Variants in TBC1D1 observed in about 807,000 individuals in gnomAD.
The protein encoded by TBC1D1 is TBC1 (tre-2/USP6, BUB2, cdc16) domain family, member 1.
Under a neutral mutation model 125.6 loss-of-function variants are expected in TBC1D1, and 89 were observed. The observed-to-expected ratio is 0.71, with a 90% CI of 0.60 to 0.85. TBC1D1 has a LOEUF of 0.85. TBC1D1 is among the 40% of genes least tolerant of loss of function. TBC1D1 has a pLI of 0.00. For synonymous variants in TBC1D1, 565 were observed against 564.1 expected (o/e 1.00, Z -0.02); for missense variants, 1,377 against 1,469.2 (o/e 0.94, Z 1.03).
At chr4:37,963,410 G>T (rs1214477043) in intron 2 of TBC1D1, among the ~76,000 whole-genome samples, 1 of 150,698 alleles carries the variant, frequency 6.6e-6, no homozygotes, top group East Asian at 2.0e-4. Context: ...GTGAGGGAGG[G>T]GGGAGGTCCA....
In TBC1D1 at chr4:38,024,611, C is replaced by T. The variant is rs1178234449; in HGVS notation, c.1210+2893C>T. Among the ~76,000 whole-genome samples the T allele has an allele frequency of 2.0e-5, 3 of 152,182 alleles. No individual in the cohort carries two copies. The East Asian group carries it at 5.8e-4, about 29-fold the overall frequency. On this transcript the variant is annotated intron_variant, in intron 6 of 19. Coordinates refer to ENST00000261439, the MANE Select transcript of TBC1D1 (RefSeq NM_015173.4). ...AGAAGTCTGGTGGGGGTATGTTTTACCTACATGATGGAACTCATTTCTAAA... is the reference window on the plus strand; with the variant it reads ...AGAAGTCTGGTGGGGGTATGTTTTATCTACATGATGGAACTCATTTCTAAA...
chr4:38,013,363 G>C (rs946926317), intron 2 of TBC1D1, among the ~76,000 whole-genome samples: 3 of 152,136 alleles, frequency 2.0e-5, no homozygotes, highest in Non-Finnish European at 4.4e-5. Context: ...TGTATGTGTT[G>C]ATCTTTGACC....
chr4:37,973,648 C>G (rs562036604), intron 2 of TBC1D1, among the ~76,000 whole-genome samples: 1 of 152,102 alleles, frequency 6.6e-6, no homozygotes, highest in African/African-American at 2.4e-5. Flanking sequence ...CAGTCTGGTC[C>G]TCAGCTGACC....
At chr4:38,094,883 CAAA>C (rs528226098) in intron 13 of TBC1D1, among the ~76,000 whole-genome samples, 9 of 60,990 alleles carry the variant, frequency 1.5e-4, no homozygotes, top group East Asian at 4.6e-4. Context: ...AAATCACAGC[CAAA>C]AAAAAAAAAA....
Position 38,049,827 on chromosome 4 carries a change from G to A in TBC1D1, c.1839G>A (p.Gly613=). 1 of 1,614,024 alleles carries A rather than the reference G, an allele frequency of 6.2e-7. No homozygotes were observed. Among genetic ancestry groups the A allele is most frequent in the Non-Finnish European group, 8.5e-7 (1 of 1,179,984 alleles). Residue 613 remains glycine (G), a synonymous_variant, in exon 11 of 20, where the codon GGG becomes GGA. Transcript: ENST00000261439. Reference sequence around the variant, plus strand: ...AGGAACCTCCACAACCTGCCCGGGGGTCCCCGGGGGTTTCGCAAAGGAAAC... The same window carrying A: ...AGGAACCTCCACAACCTGCCCGGGGATCCCCGGGGGTTTCGCAAAGGAAAC...
At chr4:38,068,413 C>T (rs1182004784) in intron 12 of TBC1D1, among the ~76,000 whole-genome samples, 1 of 152,166 alleles carries the variant, frequency 6.6e-6, no homozygotes, top group Non-Finnish European at 1.5e-5. Context: ...CTCCCCTCCT[C>T]ACCAAACCCA....
chr4:38,028,724 G>A (rs1745558665), intron 7 of TBC1D1, among the ~76,000 whole-genome samples: 1 of 152,154 alleles, frequency 6.6e-6, no homozygotes, highest in Non-Finnish European at 1.5e-5. Context: ...GAGACAGAAG[G>A]TCCGGCCTCT....
intron 15 of TBC1D1, among the ~76,000 whole-genome samples, chr4:38,115,330 G>T (rs140742899): frequency 6.6e-6 from 1 of 152,152 alleles, no homozygotes; most frequent in African/African-American, 2.4e-5. Flanking sequence ...TCGAACTCCT[G>T]ACCTCAGGCG....
chr4:38,015,882 G>A (rs879747856), intron 3 of TBC1D1, among the ~76,000 whole-genome samples: 2 of 152,120 alleles, frequency 1.3e-5, no homozygotes, highest in African/African-American at 2.4e-5. Flanking sequence ...AGGGTAAATA[G>A]GGCTGATGTT....
At chr4:38,129,606 G>A (rs540030451) in intron 18 of TBC1D1, among the ~76,000 whole-genome samples, 81 of 152,226 alleles carry the variant, frequency 5.3e-4, no homozygotes, top group African/African-American at 1.8e-3. Context: ...TTAGGAAGGC[G>A]GAAGCTCTGT....
At chr4:37,984,296 G>A (rs1216387128) in intron 2 of TBC1D1, among the ~76,000 whole-genome samples, 1 of 152,174 alleles carries the variant, frequency 6.6e-6, no homozygotes, top group Non-Finnish European at 1.5e-5. Context: ...ATGATTGATA[G>A]ATTGTAATGT....
At chr4:38,069,645 C>T (rs937365636) in intron 12 of TBC1D1, among the ~76,000 whole-genome samples, 1 of 152,120 alleles carries the variant, frequency 6.6e-6, no homozygotes, top group African/African-American at 2.4e-5. Flanking sequence ...TCATGCCAAC[C>T]CCCAGATCTG....
At chr4:38,068,522 G>T (rs968895523) in intron 12 of TBC1D1, among the ~76,000 whole-genome samples, 1 of 152,070 alleles carries the variant, frequency 6.6e-6, no homozygotes, top group Non-Finnish European at 1.5e-5. Context: ...GCCTCTCTGT[G>T]CCTGATGTTT....
intron 2 of TBC1D1, among the ~76,000 whole-genome samples, chr4:37,983,535 A>G (rs1734830692): frequency 6.6e-6 from 1 of 152,112 alleles, no homozygotes; most frequent in African/African-American, 2.4e-5. Context: ...TTTTTAGAGC[A>G]GTTGTAGGTT....
At chr4:38,047,005 A>G (rs1749614355) in intron 10 of TBC1D1, among the ~76,000 whole-genome samples, 1 of 152,240 alleles carries the variant, frequency 6.6e-6, no homozygotes, top group Admixed American at 6.5e-5. Flanking sequence ...TACAGTAAGA[A>G]GCACATTTAA....
At chr4:37,899,532 A>C (rs3860064) in intron 1 of TBC1D1, among the ~76,000 whole-genome samples, 1 of 151,734 alleles carries the variant, frequency 6.6e-6, no homozygotes, top group African/African-American at 2.4e-5. Flanking sequence ...TAAGTGACTG[A>C]AGCTCTCCGG....
At chr4:37,919,346 T>TTG (rs1395342919) in intron 2 of TBC1D1, among the ~76,000 whole-genome samples, 1 of 150,184 alleles carries the variant, frequency 6.7e-6, no homozygotes, top group Non-Finnish European at 1.5e-5. Flanking sequence ...TTTTGTTTTT[T>TTG]TTTTTTTTTG....
intron 19 of TBC1D1, among the ~76,000 whole-genome samples, chr4:38,136,733 G>T (rs1578892865): frequency 6.6e-6 from 1 of 152,138 alleles, no homozygotes; most frequent in African/African-American, 2.4e-5. Context: ...ACAAGTCTCC[G>T]AGGCTTGGCA....
At chr4:38,019,957 G>A (rs929201987) in intron 4 of TBC1D1, among the ~76,000 whole-genome samples, 4 of 151,964 alleles carry the variant, frequency 2.6e-5, no homozygotes, top group African/African-American at 4.8e-5. Flanking sequence ...ATGAATCTCT[G>A]GTCTGCCTTT....
Sources: allele counts gnomAD v4.1 joint callset (sites outside exome capture counted in the v4.1 genomes callset), GRCh38; gene constraint gnomAD v4.1.1; transcripts MANE v1.5; gene names NCBI Gene and HGNC (gene_info 2026-07-23, HGNC 2026-07-21).